The following ALDH4A1 variants were observed in gnomAD, a reference collection of about 807,000 sequenced individuals.
ALDH4A1 encodes delta-1-pyrroline-5-carboxylate dehydrogenase, mitochondrial.
In ALDH4A1, 46 loss-of-function variants were observed where a neutral mutation model predicts 70.5. The ratio of observed to expected loss-of-function variants is 0.65; its 90% CI spans 0.51 to 0.83. The LOEUF (loss-of-function observed/expected upper bound fraction) is 0.83, where lower values mean the gene tolerates loss of function less well. ALDH4A1 is among the 40% of genes least tolerant of loss of function. The probability of loss-of-function intolerance (pLI) is 0.00; values close to 1 mark genes in which losing one functional copy is unlikely to be tolerated. For synonymous variants in ALDH4A1, 323 were observed against 324.3 expected, an observed-to-expected ratio of 1.00 and a Z score of 0.04; for missense variants, 749 against 766.5, an observed-to-expected ratio of 0.98 and a Z score of 0.27.
At chr1:18,896,469 GC>G (rs1935618462) in intron 1 of ALDH4A1, among the ~76,000 whole-genome samples, 2 of 152,176 alleles carry the variant, frequency 1.3e-5, no homozygotes, top group Admixed American at 6.5e-5. Context: ...AATTATCTTT[GC>G]TTCATGCAGC....
At chr1:18,875,132 C>T (rs548873740) in intron 13 of ALDH4A1, among the ~76,000 whole-genome samples, 1 of 152,350 alleles carries the variant, frequency 6.6e-6, no homozygotes, top group African/African-American at 2.4e-5. Flanking sequence ...AATTCCTAGC[C>T]CTGCCCCTAG....
intron 12 of ALDH4A1, 57 bp from the exon 13 acceptor site, chr1:18,875,560 G>C (rs1934645709): frequency 6.2e-7 from 1 of 1,612,668 alleles, no homozygotes; most frequent in South Asian, 1.1e-5. Context: ...AGGGCCCTGA[G>C]CCCTCCCAGT....
chr1:18,885,427 T>TCCCCCCCCCC, intron 5 of ALDH4A1, 46 bp downstream of exon 5: 4 of 650,922 alleles, frequency 6.1e-6, no homozygotes, highest in South Asian at 1.5e-5. Context: ...CACACCTGAC[T>TCCCCCCCCCC]CCCACCCCAC....
Position 18,872,797 on chromosome 1 carries a change from C to A in ALDH4A1, c.*48G>T, listed in dbSNP as rs371308328. On this transcript the variant is annotated 3_prime_UTR_variant, in exon 15 of 15. Coordinates refer to ENST00000375341, the MANE Select transcript of ALDH4A1 (RefSeq NM_003748.4). ...TGGAGTGGGGTCTGTGCAGTGAGGT[C>A]GGCCACCTGGACGGACAGACAGCTG... 2.7e-6 allele frequency: 4 copies of A among 1,496,306 alleles called. No individual in the cohort carries two copies. The highest frequency in any genetic ancestry group is 2.3e-5 in the South Asian group (2 of 87,770). The allele number at this position is 1,496,306 out of a possible 1,614,324, so 92.7% of individuals were successfully genotyped here. A position where few individuals can be genotyped will look rare whatever the true frequency, so the allele number is the denominator to read the frequency against.
At chr1:18,877,735 C>T (rs1934779970) in intron 9 of ALDH4A1, 123 bp from the exon 10 acceptor site, 16 of 1,206,818 alleles carry the variant, frequency 1.3e-5, no homozygotes, top group Middle Eastern at 2.7e-4. Flanking sequence ...CAGCCCAGAG[C>T]GGGCGGAGGC....
chr1:18,896,822 A>T (rs1348979446), intron 1 of ALDH4A1, among the ~76,000 whole-genome samples: 1 of 151,992 alleles, frequency 6.6e-6, no homozygotes, highest in African/African-American at 2.4e-5. Context: ...GTACCCGGGA[A>T]GAAGAGGTTG....
At chr1:18,890,350 T>G (rs891289161) in intron 1 of ALDH4A1, among the ~76,000 whole-genome samples, 7 of 152,222 alleles carry the variant, frequency 4.6e-5, no homozygotes, top group Non-Finnish European at 1.0e-4. Flanking sequence ...GAGACCAGCC[T>G]GGCCAACACG....
In ALDH4A1 at chr1:18,872,741, G is replaced by A; in HGVS notation, c.*104C>T. ...GGAGTCAAGCCCGGATTATAGAAAG[G>A]CAGCTGTGCATGAAGAAGGGGTGGA... On this transcript the variant is annotated 3_prime_UTR_variant, in exon 15 of 15. Transcript: ENST00000375341. 2 of 821,836 alleles carry A rather than the reference G, an allele frequency of 2.4e-6. No homozygotes were observed. Among genetic ancestry groups the A allele is most frequent in the South Asian group, 3.1e-5 (2 of 65,482 alleles). The allele number at this position is 821,836 out of a possible 1,614,324, so 50.9% of individuals were successfully genotyped here.
Position 18,891,599 on chromosome 1 carries a change from C to T in ALDH4A1, c.63-1494G>A, listed in dbSNP as rs574875908. Among the ~76,000 whole-genome samples the T allele has an allele frequency of 4.6e-5, 7 of 152,264 alleles. No homozygotes were observed. The South Asian group carries it at 1.4e-3, about 32-fold the overall frequency. ...GTGACTTGGGGAGGGTTTAAGGAAGCCACGGTTAGCTCTGGATTGGCTGCC... is the reference window on the plus strand; with the variant it reads ...GTGACTTGGGGAGGGTTTAAGGAAGTCACGGTTAGCTCTGGATTGGCTGCC... On this transcript the variant is annotated intron_variant, in intron 1 of 14. Transcript: ENST00000375341.
chr1:18,876,855 G>T (rs899487280), intron 11 of ALDH4A1, among the ~76,000 whole-genome samples: 1 of 152,320 alleles, frequency 6.6e-6, no homozygotes, highest in East Asian at 1.9e-4. Context: ...ATGCGTGTGT[G>T]TGCTTATGTG....
intron 1 of ALDH4A1, among the ~76,000 whole-genome samples, chr1:18,896,175 G>A (rs1389105211): frequency 3.9e-5 from 6 of 152,064 alleles, no homozygotes; most frequent in African/African-American, 1.4e-4. Flanking sequence ...ATAGAGCTCT[G>A]ACTGACCATC....
At chr1:18,875,586 C>T in intron 12 of ALDH4A1, 83 bp from the exon 13 acceptor site, 1 of 1,597,318 alleles carries the variant, frequency 6.3e-7, no homozygotes, top group Middle Eastern at 1.9e-4. Context: ...TGCTCTGGCT[C>T]ACCCTCTCCC....
intron 3 of ALDH4A1, among the ~76,000 whole-genome samples, chr1:18,887,850 C>T (rs1935278079): frequency 6.6e-6 from 1 of 152,212 alleles, no homozygotes; most frequent in East Asian, 1.9e-4. Context: ...ACTGGTGTTG[C>T]TGTTTCAGCT....
intron 1 of ALDH4A1, among the ~76,000 whole-genome samples, chr1:18,897,903 A>C (rs1935676957): frequency 6.6e-6 from 1 of 152,226 alleles, no homozygotes; most frequent in African/African-American, 2.4e-5. Flanking sequence ...ACAGCAGCTC[A>C]GCCCAGGGAC....
chr1:18,885,721 C>T (rs1260812194), intron 4 of ALDH4A1, 93 bp from the exon 5 acceptor site: 25 of 1,552,288 alleles, frequency 1.6e-5, no homozygotes, highest in Non-Finnish European at 2.1e-5. Flanking sequence ...AGGCCACTCT[C>T]TTCCATCCGG....
Position 18,880,627 on chromosome 1 carries a change from C to T in ALDH4A1, c.866+1073G>A, listed in dbSNP as rs1194401787. 6.6e-6 allele frequency among the ~76,000 whole-genome samples: 1 copy of T among 152,132 alleles called. No individual in the cohort carries two copies. The highest frequency in any genetic ancestry group is 1.5e-5 in the Non-Finnish European group (1 of 68,032). ...AGGAGCCAGCAGGGAAAGGAAACAG[C>T]GTGGATCAGGTATGCAGGGAGCCAG... On this transcript the variant is annotated intron_variant, in intron 8 of 14. Transcript: ENST00000375341. The surrounding 1 kb of genome is among the most constrained non-coding windows in gnomAD (Gnocchi z 5.1).
At chr1:18,892,154 G>A (rs572951522) in intron 1 of ALDH4A1, among the ~76,000 whole-genome samples, 3 of 152,182 alleles carry the variant, frequency 2.0e-5, no homozygotes, top group Non-Finnish European at 4.4e-5. Flanking sequence ...GACTGGCCCG[G>A]CTATGAGTGT....
intron 11 of ALDH4A1, among the ~76,000 whole-genome samples, 194 bp from the exon 12 acceptor site, chr1:18,876,661 C>CTGTGTGTGTGTATGTGTGTG (rs1553153211): frequency 5.4e-5 from 8 of 146,828 alleles, no homozygotes; most frequent in Non-Finnish European, 1.1e-4. Context: ...GACATGAACA[C>CTGTGTGTGTGTATGTGTGTG]TGTGTGTGTG....
At position 18,876,665 on chromosome 1, in the gene ALDH4A1, G is replaced by GTGTGTGTGTGTGTGTGTGTGTGTGTGTA. The variant is rs1161563189; in HGVS notation, c.1186-199_1186-198insTACACACACACACACACACACACACACA. 7.5e-3 allele frequency among the ~76,000 whole-genome samples: 1,146 copies of GTGTGTGTGTGTGTGTGTGTGTGTGTGTA among 152,024 alleles called. 20 individuals carry two copies. The highest frequency in any genetic ancestry group is 0.026 in the African/African-American group (1,074 of 41,424). On this transcript the variant is annotated intron_variant, in intron 11 of 14. Coordinates refer to ENST00000375341, the MANE Select transcript of ALDH4A1 (RefSeq NM_003748.4). ...AGACAAGGACAGACATGAACACTGT[G>GTGTGTGTGTGTGTGTGTGTGTGTGTGTA]TGTGTGTGTGTGTGTACACACACAA... is the stretch of plus-strand genomic sequence containing the variant.
Sources: allele counts gnomAD v4.1 joint callset (sites outside exome capture counted in the v4.1 genomes callset), GRCh38; gene constraint gnomAD v4.1.1; non-coding constraint Gnocchi (gnomAD v3.1); transcripts MANE v1.5; gene names NCBI Gene and HGNC (gene_info 2026-07-23, HGNC 2026-07-21).